Variants in VPS39 observed in about 807,000 individuals in gnomAD.
VPS39 encodes vam6/Vps39-like protein.
VPS39 carries 70 observed loss-of-function variants against 121.0 expected under a neutral mutation model. That is an observed-to-expected ratio of 0.58 (90% CI 0.48 to 0.71). The LOEUF is 0.71. VPS39 is among the 30% of genes least tolerant of loss of function. VPS39 has a pLI of 0.00. For missense variants in VPS39, 818 were observed against 1,051.5 expected (o/e 0.78, Z 3.07); for synonymous variants, 378 against 398.1 (o/e 0.95, Z 0.60).
At chr15:42,178,754 G>C in intron 8 of VPS39, 184 bp from the exon 9 acceptor site, 1 of 812,338 alleles carries the variant, frequency 1.2e-6, no homozygotes, top group Non-Finnish European at 1.8e-6. Context: ...TGTAATCCCA[G>C]CAACTTGAGA....
At chr15:42,206,585 G>GCT (rs1381049104) in intron 1 of VPS39, among the ~76,000 whole-genome samples, 2 of 152,204 alleles carry the variant, frequency 1.3e-5, no homozygotes, top group Non-Finnish European at 2.9e-5. Context: ...ATTCTGACGA[G>GCT]CTAAGTCAAG....
chr15:42,182,864 G>A (rs1201734874), intron 8 of VPS39, among the ~76,000 whole-genome samples: 1 of 152,188 alleles, frequency 6.6e-6, no homozygotes, highest in Non-Finnish European at 1.5e-5. Context: ...TGGGAAATCA[G>A]AAACACGCTT....
chr15:42,166,530 C>G (rs753786230), intron 15 of VPS39, 33 bp downstream of exon 15: 2 of 1,608,464 alleles, frequency 1.2e-6, no homozygotes, highest in Non-Finnish European at 1.7e-6. Context: ...TGAACAGGAG[C>G]GCTTTCCCAC....
chr15:42,184,523 C>A lies in VPS39; in HGVS notation c.712G>T (p.Ala238Ser), dbSNP rs2049658430. 1 of 1,604,128 alleles carries A rather than the reference C, an allele frequency of 6.2e-7. No homozygotes were observed. The highest frequency in any genetic ancestry group is 8.5e-7 in the Non-Finnish European group (1 of 1,176,414). The change falls in exon 8 of 25, where the codon GCC becomes TCC. Residue 238 changes from alanine (A) to serine (S), a missense_variant. Physicochemically the swap from Ala to Ser is moderately conservative, Grantham distance 99. Coordinates refer to ENST00000318006, the MANE Select transcript of VPS39 (RefSeq NM_015289.5). ...CALNWTDIPV[A>S]MEHQPPYIIA... is the part of the protein sequence containing the mutation. ...CAGCTACTGTTGGTCTCACCCATGG[C>A]CACTGGTATGTCCGTCCAGTTCAGG...
Position 42,163,628 on chromosome 15 carries a change from C to T in VPS39, c.2127G>A (p.Glu709=), listed in dbSNP as rs992590439. ...GTGGGATGTTGGGGCAAACTTACTCCTCAGCCATCCTTGTATCCTTCAAGA... is the reference window on the plus strand; with the variant it reads ...GTGGGATGTTGGGGCAAACTTACTCTTCAGCCATCCTTGTATCCTTCAAGA... The part of the protein sequence containing the change: ...VHILKDTRMA[E]EYCHKHYDRN... Residue 709 remains glutamate, a splice_region_variant and synonymous_variant, in exon 20 of 25, where the codon GAG becomes GAA. Transcript: ENST00000318006. The T allele has an allele frequency of 6.2e-7, 1 of 1,613,030 alleles. No homozygotes were observed. Among genetic ancestry groups the T allele is most frequent in the Non-Finnish European group, 8.5e-7 (1 of 1,179,486 alleles).
Position 42,199,930 on chromosome 15 carries a change from T to C in VPS39, c.105A>G (p.Gly35=), listed in dbSNP as rs756541729. The change falls in exon 2 of 25, where the codon GGA becomes GGG. Residue 35 remains glycine (G), a synonymous_variant. Coordinates refer to ENST00000318006, the MANE Select transcript of VPS39 (RefSeq NM_015289.5). ...TCCGAATCCTATAGAGAAGAAGATG[T>C]CCTTGTTTGGTTCCCACAAGAAGCC... ...EEWLLVGTKQ[G]HLLLYRIRKD... is the part of the protein sequence containing the mutation. 9 of 1,593,138 alleles carry C rather than the reference T, an allele frequency of 5.6e-6. No individual in the cohort carries two copies. The highest frequency in any genetic ancestry group is 4.1e-5 in the African/African-American group (3 of 72,768).
At chr15:42,175,800 T>A (rs777844908) in intron 10 of VPS39, among the ~76,000 whole-genome samples, 5 of 152,032 alleles carry the variant, frequency 3.3e-5, no homozygotes, top group African/African-American at 4.8e-5. Flanking sequence ...AGGCTCCAAA[T>A]GCGATAGACA....
At position 42,178,539 on chromosome 15, in the gene VPS39, C is replaced by T. The variant is rs760529009; in HGVS notation, c.750G>A (p.Leu250=). ...EHQPPYIIAV[L]PRYVEIRTFE... ...ATGTTCGGATCTCAACATATCGAGG[C>T]AACACTGCAATGATGTAGGGAGGCT... The change falls in exon 9 of 25, where the codon TTG becomes TTA. Residue 250 remains leucine, a synonymous_variant. Transcript: ENST00000318006. The T allele has an allele frequency of 6.8e-6, 11 of 1,614,140 alleles. No homozygotes were observed. The South Asian group carries it at 1.2e-4, about 18-fold the overall frequency.
chr15:42,194,139 T>C (rs767900989), intron 2 of VPS39, among the ~76,000 whole-genome samples: 2 of 152,078 alleles, frequency 1.3e-5, no homozygotes, highest in African/African-American at 2.4e-5. Context: ...AGAACACTTT[T>C]AAGTGAAACT....
intron 3 of VPS39, 34 bp downstream of exon 3, chr15:42,191,461 CA>C: frequency 6.2e-7 from 1 of 1,601,294 alleles, no homozygotes; most frequent in Non-Finnish European, 8.5e-7. Context: ...TCATGTAAGT[CA>C]AATATTCTTG....
intron 7 of VPS39, 83 bp downstream of exon 7, chr15:42,187,188 T>C (rs111501478): frequency 1.5e-5 from 15 of 1,033,026 alleles, no homozygotes; most frequent in Middle Eastern, 2.1e-4. Flanking sequence ...CTACTTAAAG[T>C]GGTCGCTTGA....
chr15:42,189,238 C>G (rs1298585234), intron 4 of VPS39, 30 bp from the exon 5 acceptor site: 5 of 1,560,916 alleles, frequency 3.2e-6, no homozygotes, highest in Non-Finnish European at 4.4e-6. Flanking sequence ...ACATCAGGAT[C>G]AATGATCATA....
intron 5 of VPS39, 33 bp downstream of exon 5, chr15:42,189,081 C>A: frequency 6.5e-7 from 1 of 1,536,830 alleles, no homozygotes; most frequent in South Asian, 1.1e-5. Context: ...TTGATTAAAG[C>A]ATAAAGCCAA....
intron 22 of VPS39, 35 bp downstream of exon 22, chr15:42,162,297 A>C (rs1336309350): frequency 6.3e-7 from 1 of 1,599,396 alleles, no homozygotes; most frequent in South Asian, 1.1e-5. Flanking sequence ...TGCTCCCTGC[A>C]AACACCCTCC....
In VPS39 at chr15:42,159,752, T is replaced by G. The variant is rs2049093760; in HGVS notation, c.*1002A>C. ...CTGGGGAGTGACGGCCAGGGCAGGC[T>G]GTAAGGCAAGTGAATGGAAACTGGC... On this transcript the variant is annotated 3_prime_UTR_variant, in exon 25 of 25. Coordinates refer to ENST00000318006, the MANE Select transcript of VPS39 (RefSeq NM_015289.5). 1 of 152,420 alleles carries G rather than the reference T, an allele frequency of 6.6e-6. No homozygotes were observed. Among genetic ancestry groups the G allele is most frequent in the African/African-American group, 2.4e-5 (1 of 41,452 alleles). The allele number at this position is 152,420 out of a possible 1,614,324, so 9.4% of individuals were successfully genotyped here. A position where few individuals can be genotyped will look rare whatever the true frequency, so the allele number is the denominator to read the frequency against.
chr15:42,161,039 G>A (rs980183192), intron 24 of VPS39: 50 of 577,352 alleles, frequency 8.7e-5, no homozygotes, highest in Non-Finnish European at 1.4e-4. Flanking sequence ...GGTGCACACA[G>A]TTAAGAGTGC....
intron 4 of VPS39, 68 bp downstream of exon 4, chr15:42,191,057 T>C (rs1203406948): frequency 2.6e-6 from 4 of 1,561,240 alleles, no homozygotes; most frequent in East Asian, 4.5e-5. Flanking sequence ...AAATTAACCA[T>C]GAAAGGATTA....
At chr15:42,173,615 T>G (rs897093575) in intron 11 of VPS39, 108 bp downstream of exon 11, 1 of 1,441,688 alleles carries the variant, frequency 6.9e-7, no homozygotes, top group Non-Finnish European at 9.4e-7. Context: ...TCAATTTAGC[T>G]GAGCCTAAAC....
rs2049102099 is a variant in VPS39 at position 42,160,231 on chromosome 15, G to T, written c.*523C>A. On this transcript the variant is annotated 3_prime_UTR_variant, in exon 25 of 25. Coordinates refer to ENST00000318006, the MANE Select transcript of VPS39 (RefSeq NM_015289.5). ...GAAAAGGAGACTGAAAACTAACAGG[G>T]CGGCTACCGAGGGGTGCAGGGCACA... 1 of 152,786 alleles carries T rather than the reference G, an allele frequency of 6.5e-6. No individual in the cohort carries two copies. Among genetic ancestry groups the T allele is most frequent in the Non-Finnish European group, 1.5e-5 (1 of 68,494 alleles). 9.5% of individuals were successfully genotyped at this position (152,786 alleles called of 1,614,324 possible). A position where few individuals can be genotyped will look rare whatever the true frequency, so the allele number is the denominator to read the frequency against.
Sources: gnomAD v4.1 joint callset for allele counts (sites outside exome capture counted in the v4.1 genomes callset) on GRCh38, gnomAD v4.1.1 for gene constraint, MANE v1.5 for transcripts, NCBI Gene and HGNC (gene_info 2026-07-23, HGNC 2026-07-21) for gene names.